The following OLFML2B variants were observed in gnomAD, a reference collection of about 807,000 sequenced individuals.
OLFML2B encodes olfactomedin-like protein 2B.
In OLFML2B, 57 loss-of-function variants were observed where a neutral mutation model predicts 74.9. That is an observed-to-expected ratio of 0.76 (90% CI 0.61 to 0.95). The LOEUF is 0.95. OLFML2B is among the 40% of genes least tolerant of loss of function. The probability of loss-of-function intolerance (pLI) is 0.00; values close to 1 mark genes in which losing one functional copy is unlikely to be tolerated. For synonymous variants in OLFML2B, 388 were observed against 405.8 expected (o/e 0.96, Z 0.53); for missense variants, 986 against 970.6 (o/e 1.02, Z -0.21).
intron 1 of OLFML2B, 27 bp downstream of exon 1, chr1:162,023,230 G>C: frequency 1.4e-6 from 2 of 1,472,500 alleles, no homozygotes; most frequent in Non-Finnish European, 1.8e-6. Context: ...AGGGCAAGAA[G>C]GGCGGTCGTG....
chr1:162,009,413 A>G (rs759124326), intron 3 of OLFML2B, among the ~76,000 whole-genome samples: 1 of 152,134 alleles, frequency 6.6e-6, no homozygotes, highest in African/African-American at 2.4e-5. Context: ...AACACTGTGC[A>G]TCAGTGGGTG....
At chr1:162,009,393 T>C (rs1162566793) in intron 3 of OLFML2B, among the ~76,000 whole-genome samples, 3 of 152,130 alleles carry the variant, frequency 2.0e-5, no homozygotes, top group Admixed American at 6.5e-5. Context: ...AAGATCTCAC[T>C]AGATTCCTAA....
chr1:161,988,868 A>C (rs1190750048), intron 6 of OLFML2B, among the ~76,000 whole-genome samples: 1 of 152,132 alleles, frequency 6.6e-6, no homozygotes, highest in African/African-American at 2.4e-5. Flanking sequence ...TAAAGGACTG[A>C]AAATGGAAAT....
chr1:161,984,001 G>A lies in OLFML2B; in HGVS notation c.1927C>T (p.Gln643Ter). The A allele has an allele frequency of 6.2e-7, 1 of 1,614,202 alleles. No homozygotes were observed. The change falls in exon 8 of 8, where the codon CAG (glutamine) becomes TAG (stop). Residue 643 changes from glutamine (Q) to a stop codon, truncating the protein, a stop_gained. Transcript: ENST00000294794. LOFTEE classifies it high-confidence loss of function. ...AGCTTGCTCAGGACAATGACCTCCT[G>A]GCTGAAGCCCTCATCGTCCAGGGCC... Reference protein sequence around the residue: ...YPALDDEGFSQEVIVLSKLNA... With the variant: ...YPALDDEGFS
At chr1:162,018,583 A>G (rs1223848755) in intron 2 of OLFML2B, among the ~76,000 whole-genome samples, 1 of 152,216 alleles carries the variant, frequency 6.6e-6, no homozygotes, top group Non-Finnish European at 1.5e-5. Flanking sequence ...CAGTGCACCC[A>G]GCCTTCTCAG....
chr1:162,009,709 C>T (rs1217480351), intron 3 of OLFML2B, among the ~76,000 whole-genome samples: 2 of 152,212 alleles, frequency 1.3e-5, no homozygotes, highest in Admixed American at 6.5e-5. Context: ...GCCTGCAGGG[C>T]TCAGCCAGCT....
Position 162,017,441 on chromosome 1 carries a change from C to T in OLFML2B, c.505G>A (p.Val169Ile), listed in dbSNP as rs761691116. The T allele has an allele frequency of 9.9e-6, 16 of 1,613,732 alleles. No individual in the cohort carries two copies. The Admixed American group carries it at 1.8e-4, about 19-fold the overall frequency. ...ACTCGCCCCACCAGTTTGGTGGTGACTGAATGTAGCTTCAGGAGATCCAGG... is the reference window on the plus strand; with the variant it reads ...ACTCGCCCCACCAGTTTGGTGGTGATTGAATGTAGCTTCAGGAGATCCAGG... ...YGLDLLKLHS[V>I]TTKLVGRVDK... The change falls in exon 3 of 8, where the codon GTC (valine) becomes ATC (isoleucine). Residue 169 changes from valine (V) to isoleucine (I), a missense_variant. Transcript: ENST00000294794.
intron 3 of OLFML2B, among the ~76,000 whole-genome samples, chr1:162,008,385 G>A (rs1690290919): frequency 6.6e-6 from 1 of 152,108 alleles, no homozygotes; most frequent in Non-Finnish European, 1.5e-5. Context: ...CTTGCTCAAG[G>A]TCACTACAAA....
Position 161,983,750 on chromosome 1 carries a change from G to A in OLFML2B, c.2178C>T (p.Tyr726=). 2 of 1,614,050 alleles carry A rather than the reference G, an allele frequency of 1.2e-6. No individual in the cohort carries two copies. The highest frequency in any genetic ancestry group is 2.2e-5 in the South Asian group (2 of 91,062). Residue 726 remains tyrosine (Y), a synonymous_variant, in exon 8 of 8, where the codon TAC becomes TAT. Transcript: ENST00000294794. ...NEYSYTTQID[Y]NPKDRLLYAW... Reference sequence around the variant, plus strand: ...CATAGAGCAGGCGGTCCTTGGGGTTGTAGTCTATCTGGGTCGTATAGGAAT... The same window carrying A: ...CATAGAGCAGGCGGTCCTTGGGGTTATAGTCTATCTGGGTCGTATAGGAAT...
At chr1:161,990,609 G>C (rs1689709863) in intron 6 of OLFML2B, among the ~76,000 whole-genome samples, 1 of 152,212 alleles carries the variant, frequency 6.6e-6, no homozygotes, top group Admixed American at 6.5e-5. Flanking sequence ...TGCTGGTGGA[G>C]GGTCTTGCCT....
At chr1:161,984,751 C>G in intron 7 of OLFML2B, 53 bp downstream of exon 7, 1 of 1,566,288 alleles carries the variant, frequency 6.4e-7, no homozygotes, top group South Asian at 1.2e-5. Flanking sequence ...GTGATAAAAA[C>G]AGAGGACGTG....
At chr1:162,021,141 A>T (rs1212519510) in intron 1 of OLFML2B, among the ~76,000 whole-genome samples, 1 of 152,224 alleles carries the variant, frequency 6.6e-6, no homozygotes, top group Non-Finnish European at 1.5e-5. Flanking sequence ...GAGGAGTGGC[A>T]TTTAATCTGG....
rs114296993 is a variant in OLFML2B, at chr1:162,020,261, T to C, written c.175-79A>G. The stretch of plus-strand genomic sequence containing the variant: ...TCCAGAAGGAGGCTCTCCATTTACT[T>C]AGTCAAATGTCCTGCACTAGTCAGA... On this transcript the variant is annotated intron_variant, in intron 1 of 7. Transcript: ENST00000294794. 2,622 of 1,531,310 alleles carry C rather than the reference T, an allele frequency of 1.7e-3. 33 individuals are homozygous for C. In the African/African-American group the frequency reaches 0.032, roughly 19 times the overall value. The allele number at this position is 1,531,310 out of a possible 1,614,324, so 94.9% of individuals were successfully genotyped here. A position where few individuals can be genotyped will look rare whatever the true frequency, so the allele number is the denominator to read the frequency against.
rs1437322688 is a variant in OLFML2B at position 161,984,320 on chromosome 1, G to A, written c.1652-44C>T. 3 of 1,511,098 alleles carry A rather than the reference G, an allele frequency of 2.0e-6. No individual in the cohort carries two copies. In the Admixed American group the frequency reaches 6.8e-5, roughly 34 times the overall value. The allele number at this position is 1,511,098 out of a possible 1,614,324, so 93.6% of individuals were successfully genotyped here. Reference sequence around the variant, plus strand: ...CAGGAGGCTTCAGAGTGGCATGGCAGAGGGTGGGCAGCCCATGTGGTTAAG... The same window carrying A: ...CAGGAGGCTTCAGAGTGGCATGGCAAAGGGTGGGCAGCCCATGTGGTTAAG... On this transcript the variant is annotated intron_variant, in intron 7 of 7. Transcript: ENST00000294794.
chr1:161,992,615 A>C (rs1689772553), intron 6 of OLFML2B, among the ~76,000 whole-genome samples: 1 of 152,166 alleles, frequency 6.6e-6, no homozygotes, highest in Admixed American at 6.5e-5. Flanking sequence ...CCTAGAGGCC[A>C]TTGTAGGGTT....
intron 6 of OLFML2B, among the ~76,000 whole-genome samples, chr1:161,990,561 T>G (rs1336665471): frequency 6.6e-6 from 1 of 152,200 alleles, no homozygotes; most frequent in African/African-American, 2.4e-5. Context: ...TAAAAAATAC[T>G]AATGATCATC....
At chr1:161,988,338 A>G (rs1478925791) in intron 6 of OLFML2B, among the ~76,000 whole-genome samples, 1 of 152,102 alleles carries the variant, frequency 6.6e-6, no homozygotes, top group Non-Finnish European at 1.5e-5. Flanking sequence ...AGCAAGCAAG[A>G]GCCTTCCTGG....
At chr1:162,023,206 T>C in intron 1 of OLFML2B, 51 bp downstream of exon 1, 5 of 1,439,152 alleles carry the variant, frequency 3.5e-6, no homozygotes, top group Non-Finnish European at 3.7e-6. Context: ...AGCTTCTGGC[T>C]CTCACCACCA....
rs1364768250 is a variant in OLFML2B at position 162,023,704 on chromosome 1, G to C, written c.-274C>G. On this transcript the variant is annotated 5_prime_UTR_variant, in exon 1 of 8. Coordinates refer to ENST00000294794, the MANE Select transcript of OLFML2B (RefSeq NM_015441.3). The stretch of plus-strand genomic sequence containing the variant: ...TGACGGAGAAGGTGGAGGCGGGCAC[G>C]GGCTAGCTGAGCGAGTCGCCCGCAG... 2 of 263,166 alleles carry C rather than the reference G, an allele frequency of 7.6e-6. No individual in the cohort carries two copies. Among genetic ancestry groups the C allele is most frequent in the East Asian group, 6.8e-5 (1 of 14,754 alleles). 16.3% of individuals were successfully genotyped at this position (263,166 alleles called of 1,614,324 possible).
Sources: gnomAD v4.1 joint callset for allele counts (sites outside exome capture counted in the v4.1 genomes callset) on GRCh38, gnomAD v4.1.1 for gene constraint, MANE v1.5 for transcripts, NCBI Gene and HGNC (gene_info 2026-07-23, HGNC 2026-07-21) for gene names.